ELAVL1: variants seen among roughly 807,000 people sequenced by gnomAD.
ELAVL1 encodes the protein ELAV like RNA binding protein 1.
ELAVL1 carries 1 observed loss-of-function variant against 28.4 expected under a neutral mutation model. That is an observed-to-expected ratio of 0.04 (90% confidence interval 0.01 to 0.17). The LOEUF is 0.17. ELAVL1 is among the 10% of genes least tolerant of loss of function. ELAVL1 has a pLI of 1.00. For missense variants in ELAVL1, 157 were observed against 447.2 expected, an observed-to-expected ratio of 0.35 and a Z score of 5.85; for synonymous variants, 174 against 183.5, an observed-to-expected ratio of 0.95 and a Z score of 0.42.
rs368563522 is a variant in ELAVL1, at chr19:7,967,831, C to A, written c.431-41G>T. Reference sequence around the variant, plus strand: ...ACAAAAACGGAGTTAGGGGGAAAAACGCTAGGACTTTCAAAACTGAAAAGC... The same window carrying A: ...ACAAAAACGGAGTTAGGGGGAAAAAAGCTAGGACTTTCAAAACTGAAAAGC... On this transcript the variant is annotated intron_variant, in intron 4 of 5. Coordinates refer to ENST00000407627, the MANE Select transcript of ELAVL1 (RefSeq NM_001419.3). 1.9e-6 allele frequency: 3 copies of A among 1,591,782 alleles called. No individual in the cohort carries two copies. The South Asian group carries it at 3.4e-5, about 18-fold the overall frequency.
chr19:7,999,486 CATT>C (rs1439355916), intron 1 of ELAVL1, among the ~76,000 whole-genome samples: 3 of 152,228 alleles, frequency 2.0e-5, no homozygotes, highest in African/African-American at 7.2e-5. Flanking sequence ...CCACTCCTAT[CATT>C]ATTTGCCTTA....
Position 7,982,221 on chromosome 19 carries a change from C to G in ELAVL1, c.173-1035G>C, listed in dbSNP as rs924588811. 6.6e-6 allele frequency among the ~76,000 whole-genome samples: 1 copy of G among 152,218 alleles called. No homozygotes were observed. The highest frequency in any genetic ancestry group is 6.5e-5 in the Admixed American group (1 of 15,288). On this transcript the variant is annotated intron_variant, in intron 2 of 5. Transcript: ENST00000407627. The surrounding 1 kb of genome is among the most constrained non-coding windows in gnomAD (Gnocchi z 4.3). The stretch of plus-strand genomic sequence containing the variant: ...TTCACAGGACATTTGGCCAAATGCT[C>G]TCACTAAAGGGGAAGTGAGGAGGCA...
rs1462398076 is a variant in ELAVL1 at position 7,982,067 on chromosome 19, T to C, written c.173-881A>G. 2.6e-5 allele frequency among the ~76,000 whole-genome samples: 4 copies of C among 152,172 alleles called. No individual in the cohort carries two copies. On this transcript the variant is annotated intron_variant, in intron 2 of 5. Coordinates refer to ENST00000407627, the MANE Select transcript of ELAVL1 (RefSeq NM_001419.3). This position sits in a 1 kb window ranked among gnomAD's most constrained non-coding sequence, Gnocchi z 4.3. The stretch of plus-strand genomic sequence containing the variant: ...CCAGGTTCACAGGCAGATGTCCCTG[T>C]ACCCCCTTTGTGAAACACTCAGCAC...
intron 1 of ELAVL1, among the ~76,000 whole-genome samples, chr19:8,000,959 A>C (rs2081065793): frequency 6.6e-6 from 1 of 152,254 alleles, no homozygotes; most frequent in Non-Finnish European, 1.5e-5. Flanking sequence ...ACAGAAGTGC[A>C]AAGCAACAGG....
intron 1 of ELAVL1, chr19:8,002,226 C>G (rs1441202432): frequency 1.1e-6 from 1 of 903,090 alleles, no homozygotes; most frequent in Non-Finnish European, 1.6e-6. Context: ...AAAAGCCCCA[C>G]CCTATTGTCT....
At chr19:7,978,394 G>C (rs1985362216) in intron 3 of ELAVL1, among the ~76,000 whole-genome samples, 2 of 152,202 alleles carry the variant, frequency 1.3e-5, no homozygotes, top group South Asian at 4.1e-4. Flanking sequence ...GAGGGGAAAG[G>C]GGTGCTGGGG....
chr19:7,981,101 G>C lies in ELAVL1; in HGVS notation c.258C>G (p.Leu86=), dbSNP rs771142031. The C allele has an allele frequency of 7.4e-6, 12 of 1,614,148 alleles. No homozygotes were observed. The highest frequency in any genetic ancestry group is 1.0e-5 in the Non-Finnish European group (12 of 1,180,010). Residue 86 remains leucine, a synonymous_variant, in exon 3 of 6, where the codon CTC becomes CTG. Transcript: ENST00000407627. This position sits in a 1 kb window ranked among gnomAD's most constrained non-coding sequence, Gnocchi z 4.2. ...RAINTLNGLR[L]QSKTIKVSYA... ...CCTTTACCTTAATGGTTTTTGACTG[G>C]AGCCTCAAGCCGTTCAGCGTGTTGA...
chr19:7,973,521 C>G lies in ELAVL1; in HGVS notation c.430+204G>C, dbSNP rs1207496023. The G allele has an allele frequency of 7.5e-6, 5 of 663,964 alleles. No individual in the cohort carries two copies. In the South Asian group the frequency reaches 1.1e-4, roughly 14 times the overall value. 41.1% of individuals were successfully genotyped at this position (663,964 alleles called of 1,614,324 possible). A position where few individuals can be genotyped will look rare whatever the true frequency, so the allele number is the denominator to read the frequency against. ...CTGGGATTACAGGCGTGAGCCACCA[C>G]GCCCAGATATCCCCAGCTTCTTTTA... is the stretch of plus-strand genomic sequence containing the variant. On this transcript the variant is annotated intron_variant, in intron 4 of 5. Transcript: ENST00000407627.
intron 3 of ELAVL1, among the ~76,000 whole-genome samples, chr19:7,977,549 C>A (rs1985335102): frequency 6.6e-6 from 1 of 152,232 alleles, no homozygotes; most frequent in Non-Finnish European, 1.5e-5. Flanking sequence ...AGCATCCCAG[C>A]AGGGACACTG....
chr19:7,987,118 G>GC (rs934788126), intron 2 of ELAVL1, among the ~76,000 whole-genome samples: 4 of 89,644 alleles, frequency 4.5e-5, no homozygotes, highest in East Asian at 2.2e-4. Flanking sequence ...GGGGGTGCCG[G>GC]GGGGGGGGGA....
rs140282124 is a variant in ELAVL1 at position 8,001,024 on chromosome 19, TAA to T, written c.-17+4469_-17+4470del. The stretch of plus-strand genomic sequence containing the variant: ...AGCCTGGCAGGCCCGAGCTGGGCAC[TAA>T]GTCTCCTGCTCATCAGCTGAACTAC... On this transcript the variant is annotated intron_variant, in intron 1 of 5. Transcript: ENST00000407627. Among the ~76,000 whole-genome samples the T allele has an allele frequency of 8.4e-4, 128 of 152,348 alleles. 1 individual carries two copies. The highest frequency in any genetic ancestry group is 1.5e-3 in the Non-Finnish European group (100 of 68,032).
intron 3 of ELAVL1, among the ~76,000 whole-genome samples, chr19:7,978,042 T>C (rs1445310782): frequency 2.6e-5 from 4 of 152,232 alleles, no homozygotes; most frequent in South Asian, 2.1e-4. Context: ...GCCACTATTA[T>C]AGGCTCCTAA....
chr19:7,969,687 G>A (rs931574564), intron 4 of ELAVL1, among the ~76,000 whole-genome samples: 4 of 152,152 alleles, frequency 2.6e-5, no homozygotes, highest in Non-Finnish European at 2.9e-5. Flanking sequence ...GACGCTGGCC[G>A]GCTCGTAGGG....
chr19:7,987,319 G>T (rs1985633621), intron 2 of ELAVL1, among the ~76,000 whole-genome samples: 1 of 152,194 alleles, frequency 6.6e-6, no homozygotes, highest in Non-Finnish European at 1.5e-5. Flanking sequence ...GGTCATCCAT[G>T]AGGGTAGAGG....
At chr19:7,969,488 G>A (rs1211683454) in intron 4 of ELAVL1, among the ~76,000 whole-genome samples, 1 of 152,122 alleles carries the variant, frequency 6.6e-6, no homozygotes, top group East Asian at 1.9e-4. Context: ...CAGACCTAGC[G>A]CTACGCACAC....
chr19:7,992,905 A>G (rs1195355092), intron 1 of ELAVL1, among the ~76,000 whole-genome samples: 2 of 152,164 alleles, frequency 1.3e-5, no homozygotes, highest in Non-Finnish European at 2.9e-5. Flanking sequence ...CCTCCTGAGT[A>G]GCTGGGAACG....
At chr19:7,975,064 C>T (rs1330383069) in intron 3 of ELAVL1, among the ~76,000 whole-genome samples, 3 of 152,152 alleles carry the variant, frequency 2.0e-5, no homozygotes, top group African/African-American at 7.2e-5. Context: ...CTGGGGAAGC[C>T]GTGCTGCTCC....
At position 7,963,048 on chromosome 19, in the gene ELAVL1, T is replaced by C. The variant is rs1268285521; in HGVS notation, c.*435A>G. 6.2e-6 allele frequency: 1 copy of C among 161,738 alleles called. No individual in the cohort carries two copies. Among genetic ancestry groups the C allele is most frequent in the Non-Finnish European group, 1.4e-5 (1 of 73,538 alleles). The allele number at this position is 161,738 out of a possible 1,614,324, so 10.0% of individuals were successfully genotyped here. A position where few individuals can be genotyped will look rare whatever the true frequency, so the allele number is the denominator to read the frequency against. On this transcript the variant is annotated 3_prime_UTR_variant, in exon 6 of 6. Transcript: ENST00000407627. This position sits in a 1 kb window ranked among gnomAD's most constrained non-coding sequence, Gnocchi z 4.5. Reference sequence around the variant, plus strand: ...TACATCGCTTACAATGTTGAAGCGGTTGAGAAAACGCACACTCAGCATCTG... The same window carrying C: ...TACATCGCTTACAATGTTGAAGCGGCTGAGAAAACGCACACTCAGCATCTG...
At chr19:7,993,222 C>G (rs1219461809) in intron 1 of ELAVL1, among the ~76,000 whole-genome samples, 2 of 152,204 alleles carry the variant, frequency 1.3e-5, no homozygotes. Flanking sequence ...AAGAGGGCTT[C>G]GGAGAGACCT....
Sources: gnomAD v4.1 joint callset for allele counts (sites outside exome capture counted in the v4.1 genomes callset) on GRCh38, gnomAD v4.1.1 for gene constraint, Gnocchi (gnomAD v3.1) non-coding constraint, MANE v1.5 for transcripts, NCBI Gene and HGNC (gene_info 2026-07-23, HGNC 2026-07-21) for gene names.